CERS6: variants seen among roughly 807,000 people sequenced by gnomAD.
CERS6 encodes the protein LAG1 homolog, ceramide synthase 6.
In CERS6, 26 loss-of-function variants were observed where a neutral mutation model predicts 56.8. The observed-to-expected ratio is 0.46, with a 90% CI of 0.34 to 0.63. CERS6 has a LOEUF of 0.63. CERS6 is among the 30% of genes least tolerant of loss of function. The pLI is 0.01. For synonymous variants in CERS6, 164 were observed against 173.3 expected (o/e 0.95, Z 0.42); for missense variants, 415 against 467.5 (o/e 0.89, Z 1.04).
chr2:168,757,128 C>T (rs1439571336), intron 8 of CERS6, among the ~76,000 whole-genome samples: 6 of 151,992 alleles, frequency 3.9e-5, no homozygotes, highest in African/African-American at 9.7e-5. Flanking sequence ...AAGGAAGAGA[C>T]GTTATAGAGA....
intron 1 of CERS6, among the ~76,000 whole-genome samples, chr2:168,460,309 C>A (rs546830875): frequency 6.6e-6 from 1 of 152,174 alleles, no homozygotes; most frequent in African/African-American, 2.4e-5. Context: ...GTCCTCTCAC[C>A]TCAGCCTCAC....
chr2:168,484,889 A>G (rs933801271), intron 1 of CERS6, among the ~76,000 whole-genome samples: 3 of 152,146 alleles, frequency 2.0e-5, no homozygotes, highest in African/African-American at 7.2e-5. Flanking sequence ...ATCCCTGGGG[A>G]CTGAAATAAC....
intron 1 of CERS6, among the ~76,000 whole-genome samples, chr2:168,485,142 A>G (rs1021962793): frequency 5.9e-5 from 9 of 151,622 alleles, no homozygotes; most frequent in African/African-American, 1.7e-4. Flanking sequence ...AGATACAAAA[A>G]CACAAAAGGT....
intron 4 of CERS6, among the ~76,000 whole-genome samples, chr2:168,665,132 T>C (rs1164286444): frequency 1.3e-5 from 2 of 152,240 alleles, no homozygotes; most frequent in Middle Eastern, 6.8e-3. Context: ...AACAATCATA[T>C]ATGAGGTTTC....
At chr2:168,704,703 T>C (rs1397101829) in intron 6 of CERS6, among the ~76,000 whole-genome samples, 1 of 151,948 alleles carries the variant, frequency 6.6e-6, no homozygotes, top group Admixed American at 6.6e-5. Context: ...ACCTCCCGGG[T>C]TCAAGCGATT....
At chr2:168,728,387 CTTT>C (rs397872513) in intron 8 of CERS6, among the ~76,000 whole-genome samples, 5 of 97,548 alleles carry the variant, frequency 5.1e-5, no homozygotes, top group Admixed American at 2.2e-4. Context: ...TGCAACTACT[CTTT>C]TTTTTTTTTT....
At chr2:168,769,409 G>A (rs1475294601) in intron 9 of CERS6, 101 bp from the exon 10 acceptor site, 13 of 1,051,844 alleles carry the variant, frequency 1.2e-5, no homozygotes, top group Admixed American at 3.0e-5. Context: ...TTTTAACATT[G>A]GGATCTGTTT....
chr2:168,471,921 G>A (rs1029899434), intron 1 of CERS6, among the ~76,000 whole-genome samples: 9 of 152,318 alleles, frequency 5.9e-5, no homozygotes, highest in African/African-American at 2.2e-4. Flanking sequence ...AGGTAAAGTT[G>A]AACATAGTCT....
At chr2:168,502,855 C>G (rs1007341365) in intron 1 of CERS6, among the ~76,000 whole-genome samples, 1 of 152,146 alleles carries the variant, frequency 6.6e-6, no homozygotes, top group Admixed American at 6.5e-5. Flanking sequence ...CCAGCACGGT[C>G]TCTGAGAAAA....
At chr2:168,499,780 T>C (rs938798464) in intron 1 of CERS6, among the ~76,000 whole-genome samples, 1 of 152,172 alleles carries the variant, frequency 6.6e-6, no homozygotes, top group Non-Finnish European at 1.5e-5. Flanking sequence ...GGGTGGCCAA[T>C]AGATTTCTTA....
chr2:168,623,191 C>T (rs1221105970), intron 3 of CERS6, among the ~76,000 whole-genome samples: 2 of 152,150 alleles, frequency 1.3e-5, no homozygotes, highest in African/African-American at 2.4e-5. Flanking sequence ...CCATTCCTCC[C>T]TTCAGAATGT....
chr2:168,746,059 A>G lies in CERS6; in HGVS notation c.846-19533A>G, dbSNP rs551485340. ...CAGGAATCCCCAGATTCACGTTGCC[A>G]GAGCCTGGTAGGAGGGTTGAGTGGG... is the stretch of plus-strand genomic sequence containing the variant. On this transcript the variant is annotated intron_variant, in intron 8 of 9. Coordinates refer to ENST00000305747, the MANE Select transcript of CERS6 (RefSeq NM_203463.3). Among the ~76,000 whole-genome samples the G allele has an allele frequency of 3.3e-5, 5 of 152,170 alleles. No homozygotes were observed. The South Asian group carries it at 6.2e-4, about 19-fold the overall frequency.
intron 3 of CERS6, among the ~76,000 whole-genome samples, chr2:168,600,456 G>A (rs937023558): frequency 1.3e-5 from 2 of 152,036 alleles, no homozygotes; most frequent in Non-Finnish European, 2.9e-5. Flanking sequence ...TGCCCGCCTC[G>A]CCCTCCAAAA....
chr2:168,570,779 A>T (rs1339200091), intron 3 of CERS6, among the ~76,000 whole-genome samples: 1 of 152,032 alleles, frequency 6.6e-6, no homozygotes, highest in Non-Finnish European at 1.5e-5. Flanking sequence ...CAAGCCCCAG[A>T]TTTTTCTTCT....
chr2:168,531,634 C>T (rs1695168633), intron 1 of CERS6, among the ~76,000 whole-genome samples: 1 of 152,070 alleles, frequency 6.6e-6, no homozygotes, highest in African/African-American at 2.4e-5. Context: ...CCAGCATGAC[C>T]AACATGGTGA....
intron 8 of CERS6, among the ~76,000 whole-genome samples, chr2:168,723,917 T>G (rs1683263347): frequency 6.6e-6 from 1 of 152,262 alleles, no homozygotes; most frequent in South Asian, 2.1e-4. Context: ...GTTTACTATA[T>G]CAAGAGTCTT....
intron 4 of CERS6, among the ~76,000 whole-genome samples, chr2:168,665,971 TG>T (rs1685750239): frequency 6.6e-6 from 1 of 151,732 alleles, no homozygotes; most frequent in Non-Finnish European, 1.5e-5. Context: ...TGTGTGTGTG[TG>T]TGTGTGTGTG....
intron 8 of CERS6, among the ~76,000 whole-genome samples, chr2:168,728,543 C>T (rs751457536): frequency 1.3e-5 from 2 of 151,432 alleles, no homozygotes; most frequent in South Asian, 2.1e-4. Context: ...GCACCCACCA[C>T]GCCCAGCTAA....
At chr2:168,484,165 C>CTT (rs1694229616) in intron 1 of CERS6, among the ~76,000 whole-genome samples, 5 of 46,388 alleles carry the variant, frequency 1.1e-4, no homozygotes, top group Non-Finnish European at 1.8e-4. Context: ...TTTCTTTTTT[C>CTT]TGTTTTTTTT....
Sources: allele counts gnomAD v4.1 joint callset (sites outside exome capture counted in the v4.1 genomes callset), GRCh38; gene constraint gnomAD v4.1.1; transcripts MANE v1.5; gene names NCBI Gene and HGNC (gene_info 2026-07-23, HGNC 2026-07-21).